PCDH15: variants seen among roughly 807,000 people sequenced by gnomAD.
PCDH15 encodes the protein protocadherin-15.
PCDH15 carries 129 observed loss-of-function variants against 178.5 expected under a neutral mutation model. The observed-to-expected ratio is 0.72, with a 90% CI of 0.63 to 0.84. PCDH15 has a LOEUF of 0.84. Among genes scored for constraint, PCDH15 ranks in the 40% least tolerant of loss-of-function variants. The pLI, the probability that PCDH15 is intolerant of heterozygous loss-of-function variation, is 0.00. For missense variants in PCDH15, 2,230 were observed against 2,099.9 expected, an observed-to-expected ratio of 1.06 and a Z score of -1.21; for synonymous variants, 800 against 732.0, an observed-to-expected ratio of 1.09 and a Z score of -1.50.
chr10:54,389,485 T>G (rs1293922306), intron 3 of PCDH15, among the ~76,000 whole-genome samples: 1 of 152,246 alleles, frequency 6.6e-6, no homozygotes, highest in East Asian at 1.9e-4. Context: ...TGTGTCTCAC[T>G]TTATGAAAGC....
intron 1 of PCDH15, among the ~76,000 whole-genome samples, chr10:54,737,921 A>T (rs2132751911): frequency 6.6e-6 from 1 of 152,202 alleles, no homozygotes; most frequent in South Asian, 2.1e-4. Context: ...TGGGGAGGCC[A>T]GAGAACTGCA....
At chr10:55,373,733 C>T (rs972725734) in intron 2 of PCDH15, among the ~76,000 whole-genome samples, 2 of 152,156 alleles carry the variant, frequency 1.3e-5, no homozygotes, top group African/African-American at 2.4e-5. Flanking sequence ...TAAGAATGAG[C>T]TTTGGTCCAT....
chr10:54,291,804 G>A (rs940985239), intron 8 of PCDH15, among the ~76,000 whole-genome samples: 1 of 152,102 alleles, frequency 6.6e-6, no homozygotes, highest in African/African-American at 2.4e-5. Flanking sequence ...ACCAATAACA[G>A]GATCTGAAAT....
At chr10:54,662,781 T>G (rs989885811) in intron 2 of PCDH15, among the ~76,000 whole-genome samples, 31 of 152,114 alleles carry the variant, frequency 2.0e-4, no homozygotes, top group African/African-American at 7.5e-4. Context: ...AATGCCTTAT[T>G]ATATAAAGTA....
At position 54,385,408 on chromosome 10, in the gene PCDH15, C is replaced by T. The variant is rs182824067; in HGVS notation, c.158-6466G>A. On this transcript the variant is annotated intron_variant, in intron 3 of 37. Transcript: ENST00000644397. ...ATGTTTTGTTTCTATAGGTAATTTG[C>T]TTCTGGAAACAATTAATTGGAGGAC... Among the ~76,000 whole-genome samples, 517 of 152,134 alleles carry T rather than the reference C, an allele frequency of 3.4e-3. 2 individuals carry two copies. Among genetic ancestry groups the T allele is most frequent in the African/African-American group, 0.012 (503 of 41,518 alleles).
At chr10:55,280,159 G>A (rs1430161244) in intron 1 of PCDH15, among the ~76,000 whole-genome samples, 1 of 151,894 alleles carries the variant, frequency 6.6e-6, no homozygotes, top group Non-Finnish European at 1.5e-5. Flanking sequence ...AGAGAGAGCT[G>A]GGCAATCTCC....
chr10:54,235,715 G>A (rs759556935), intron 9 of PCDH15, among the ~76,000 whole-genome samples: 21 of 152,072 alleles, frequency 1.4e-4, no homozygotes, highest in Admixed American at 2.6e-4. Flanking sequence ...CCCTAACCTA[G>A]AACATTCATC....
chr10:54,851,516 C>T (rs936434704), intron 3 of PCDH15, among the ~76,000 whole-genome samples: 2 of 152,138 alleles, frequency 1.3e-5, no homozygotes, highest in African/African-American at 4.8e-5. Context: ...TATAAACTAA[C>T]ACAAGCCCTT....
At chr10:55,331,176 G>A (rs960823502) in intron 2 of PCDH15, among the ~76,000 whole-genome samples, 19 of 151,816 alleles carry the variant, frequency 1.3e-4, no homozygotes, top group African/African-American at 4.6e-4. Flanking sequence ...AAAACAGTGT[G>A]TTAATAGTGT....
chr10:55,437,829 TTTC>T (rs1407753635), intron 2 of PCDH15, among the ~76,000 whole-genome samples: 19 of 141,042 alleles, frequency 1.3e-4, no homozygotes, highest in Middle Eastern at 3.6e-3. Context: ...TCTTATTGCT[TTTC>T]TTTTTTTTTT....
chr10:54,807,476 A>G (rs1186975819), intron 3 of PCDH15, among the ~76,000 whole-genome samples: 2 of 151,934 alleles, frequency 1.3e-5, no homozygotes, highest in East Asian at 3.9e-4. Context: ...AAACTGTAGG[A>G]TAGTGGCTAC....
intron 2 of PCDH15, among the ~76,000 whole-genome samples, chr10:55,326,268 A>G (rs952637737): frequency 3.9e-5 from 6 of 152,162 alleles, no homozygotes; most frequent in African/African-American, 1.2e-4. Flanking sequence ...ATTCTGTCAA[A>G]AAGACACAGG....
At chr10:55,290,483 G>T (rs1005230229) in intron 1 of PCDH15, among the ~76,000 whole-genome samples, 3 of 152,012 alleles carry the variant, frequency 2.0e-5, no homozygotes, top group African/African-American at 4.8e-5. Flanking sequence ...ATTGTGTTAA[G>T]GAAAGTGAAA....
At chr10:53,904,771 C>A (rs867702442) in intron 25 of PCDH15, among the ~76,000 whole-genome samples, 3 of 152,082 alleles carry the variant, frequency 2.0e-5, no homozygotes, top group African/African-American at 7.2e-5. Context: ...CAGTAGCAGA[C>A]CACTTTTATC....
At chr10:54,366,548 A>T (rs1946823438) in intron 5 of PCDH15, among the ~76,000 whole-genome samples, 1 of 152,062 alleles carries the variant, frequency 6.6e-6, no homozygotes, top group Non-Finnish European at 1.5e-5. Context: ...TACATAATTC[A>T]TAATAGATAA....
intron 1 of PCDH15, among the ~76,000 whole-genome samples, chr10:55,262,608 C>T (rs1842174885): frequency 1.3e-5 from 2 of 152,048 alleles, no homozygotes; most frequent in Non-Finnish European, 2.9e-5. Flanking sequence ...CAGAGTTTGG[C>T]CAGGATGTTC....
At chr10:54,949,427 T>C (rs1838277239) in intron 2 of PCDH15, among the ~76,000 whole-genome samples, 1 of 151,888 alleles carries the variant, frequency 6.6e-6, no homozygotes. Flanking sequence ...CATGATTCAA[T>C]TACCTTCCAG....
chr10:54,787,546 C>T (rs1951003805), intron 1 of PCDH15, among the ~76,000 whole-genome samples: 1 of 151,990 alleles, frequency 6.6e-6, no homozygotes, highest in African/African-American at 2.4e-5. Flanking sequence ...AGGCAAGTTA[C>T]ACTACCTCTA....
chr10:55,047,220 G>A (rs1225132170), intron 2 of PCDH15, among the ~76,000 whole-genome samples: 2 of 151,608 alleles, frequency 1.3e-5, no homozygotes, highest in Non-Finnish European at 3.0e-5. Flanking sequence ...TTAATTCTTG[G>A]TACATAGCAA....
Sources: gnomAD v4.1 joint callset for allele counts (sites outside exome capture counted in the v4.1 genomes callset) on GRCh38, gnomAD v4.1.1 for gene constraint, MANE v1.5 for transcripts, NCBI Gene and HGNC (gene_info 2026-07-23, HGNC 2026-07-21) for gene names.